Variants in WBP2NL observed in about 807,000 individuals in gnomAD.
WBP2NL encodes the protein postacrosomal sheath WW domain-binding protein.
Under a neutral mutation model 23.3 loss-of-function variants are expected in WBP2NL, and 27 were observed. The observed-to-expected ratio is 1.16, with a 90% CI of 0.85 to 1.60. The LOEUF is 1.60. WBP2NL is among the 40% of genes most tolerant of loss of function. The pLI, the probability that WBP2NL is intolerant of heterozygous loss-of-function variation, is 0.00. For synonymous variants in WBP2NL, 151 were observed against 145.9 expected (o/e 1.03, Z -0.25); for missense variants, 370 against 389.5 (o/e 0.95, Z 0.42).
chr22:42,000,039 G>A (rs1921458510), intron 1 of WBP2NL, among the ~76,000 whole-genome samples: 1 of 152,168 alleles, frequency 6.6e-6, no homozygotes, highest in African/African-American at 2.4e-5. Context: ...CCGCTGTGCA[G>A]TTCTAAATTG....
At chr22:42,047,823 G>T (rs1433665700) in intron 8 of WBP2NL, among the ~76,000 whole-genome samples, 1 of 151,318 alleles carries the variant, frequency 6.6e-6, no homozygotes, top group East Asian at 2.1e-4. Context: ...GGGTTTCACC[G>T]TGTTAGCCAG....
intron 1 of WBP2NL, among the ~76,000 whole-genome samples, chr22:42,004,037 C>T (rs947405732): frequency 2.0e-5 from 3 of 152,038 alleles, no homozygotes; most frequent in Non-Finnish European, 2.9e-5. Flanking sequence ...TTTGGGAGGC[C>T]GAGGCAGGTG....
intron 5 of WBP2NL, among the ~76,000 whole-genome samples, chr22:42,026,202 G>T (rs1924462330): frequency 6.6e-6 from 1 of 151,468 alleles, no homozygotes; most frequent in African/African-American, 2.4e-5. Context: ...AACCCAGGAG[G>T]CAGAGCTTGC....
At chr22:42,018,918 A>G (rs1418517103) in intron 1 of WBP2NL, among the ~76,000 whole-genome samples, 29 of 13,234 alleles carry the variant, frequency 2.2e-3, no homozygotes, top group African/African-American at 3.5e-3. Flanking sequence ...TACTCTGGAA[A>G]AAAAAAAAAA....
At chr22:42,013,966 G>C (rs1162526576) in intron 1 of WBP2NL, among the ~76,000 whole-genome samples, 1 of 151,962 alleles carries the variant, frequency 6.6e-6, no homozygotes, top group African/African-American at 2.4e-5. Context: ...ATTTTTAGTA[G>C]AGATGGGGTC....
downstream of WBP2NL, among the ~76,000 whole-genome samples, chr22:42,036,496 T>G (rs1048854497): frequency 6.6e-6 from 1 of 152,234 alleles, no homozygotes; most frequent in Non-Finnish European, 1.5e-5. Flanking sequence ...TTTAATTTTT[T>G]GGGAACCTTC....
chr22:42,057,822 AG>A (rs1395474910), intron 8 of WBP2NL, among the ~76,000 whole-genome samples: 1 of 91,400 alleles, frequency 1.1e-5, no homozygotes, highest in Admixed American at 1.4e-4. Flanking sequence ...AATTGTATTA[AG>A]GTCATATATA....
At chr22:42,045,982 TCTC>T (rs1196005375) in intron 8 of WBP2NL, among the ~76,000 whole-genome samples, 1 of 152,252 alleles carries the variant, frequency 6.6e-6, no homozygotes, top group African/African-American at 2.4e-5. Context: ...ATGGGTTTTT[TCTC>T]CTCCTCCACC....
In WBP2NL at chr22:42,019,341, C is replaced by T; in HGVS notation, c.93C>T (p.Leu31=). ...TGAAGCGGTCTCCGAATGTGGAGCTCTCCTTCCCACAGCGATCAGAAGGCT... is the reference window on the plus strand; with the variant it reads ...TGAAGCGGTCTCCGAATGTGGAGCTTTCCTTCCCACAGCGATCAGAAGGCT... ...SLLKRSPNVE[L]SFPQRSEGSN... is the part of the protein sequence containing the mutation. The change falls in exon 2 of 6, where the codon CTC becomes CTT. Residue 31 remains leucine (L), a synonymous_variant. Coordinates refer to ENST00000328823, the MANE Select transcript of WBP2NL (RefSeq NM_152613.3). 1 of 1,614,122 alleles carries T rather than the reference C, an allele frequency of 6.2e-7. No individual in the cohort carries two copies. Among genetic ancestry groups the T allele is most frequent in the Non-Finnish European group, 8.5e-7 (1 of 1,180,018 alleles).
At chr22:42,025,746 A>G (rs1293690345) in intron 5 of WBP2NL, among the ~76,000 whole-genome samples, 1 of 152,214 alleles carries the variant, frequency 6.6e-6, no homozygotes, top group Non-Finnish European at 1.5e-5. Flanking sequence ...GGATTAAAGC[A>G]AAATAACTTT....
chr22:42,011,005 T>C (rs1022220630), intron 1 of WBP2NL, among the ~76,000 whole-genome samples: 1 of 152,220 alleles, frequency 6.6e-6, no homozygotes, highest in Non-Finnish European at 1.5e-5. Context: ...TGTATAGTCC[T>C]TTTAATGTGC....
intron 5 of WBP2NL, among the ~76,000 whole-genome samples, chr22:42,024,291 G>A (rs1387644542): frequency 6.6e-6 from 1 of 152,106 alleles, no homozygotes; most frequent in Non-Finnish European, 1.5e-5. Context: ...AATACTAGCT[G>A]CTATGAGCAT....
chr22:42,033,927 GC>G, downstream of WBP2NL, among the ~76,000 whole-genome samples: 1 of 152,298 alleles, frequency 6.6e-6, no homozygotes, highest in East Asian at 1.9e-4. Flanking sequence ...TGGCATCCTG[GC>G]CCCCAGCTTT....
At chr22:42,037,146 G>C (rs1456157652), downstream of WBP2NL, among the ~76,000 whole-genome samples, 2 of 151,832 alleles carry the variant, frequency 1.3e-5, no homozygotes, top group African/African-American at 2.4e-5. Flanking sequence ...GTGTGTGTGT[G>C]TGTGTGTGTG....
At chr22:42,049,820 T>C (rs1925767423) in intron 8 of WBP2NL, among the ~76,000 whole-genome samples, 1 of 133,328 alleles carries the variant, frequency 7.5e-6, no homozygotes, top group Non-Finnish European at 1.6e-5. Flanking sequence ...TGAATACAAA[T>C]ACAAAATTTA....
At chr22:42,018,465 A>G (rs1184088967) in intron 1 of WBP2NL, among the ~76,000 whole-genome samples, 1 of 151,598 alleles carries the variant, frequency 6.6e-6, no homozygotes, top group Non-Finnish European at 1.5e-5. Flanking sequence ...GGGAGGGAGA[A>G]AGAGAAAGAA....
intron 8 of WBP2NL, among the ~76,000 whole-genome samples, chr22:42,055,320 G>A (rs1292351572): frequency 1.3e-5 from 2 of 152,072 alleles, no homozygotes; most frequent in African/African-American, 2.4e-5. Context: ...GATTACAGGC[G>A]CCTGCCACCA....
At chr22:42,014,813 A>G (rs1203229512) in intron 1 of WBP2NL, among the ~76,000 whole-genome samples, 1 of 152,086 alleles carries the variant, frequency 6.6e-6, no homozygotes, top group Non-Finnish European at 1.5e-5. Context: ...GGTTCCTTTT[A>G]ATAATTTCTG....
At chr22:42,045,619 T>C (rs1359432144) in intron 8 of WBP2NL, among the ~76,000 whole-genome samples, 1 of 152,164 alleles carries the variant, frequency 6.6e-6, no homozygotes, top group African/African-American at 2.4e-5. Flanking sequence ...TTCGATAACC[T>C]AGATGAAATG....
Sources: gnomAD v4.1 joint callset for allele counts (sites outside exome capture counted in the v4.1 genomes callset) on GRCh38, gnomAD v4.1.1 for gene constraint, MANE v1.5 for transcripts, NCBI Gene and HGNC (gene_info 2026-07-23, HGNC 2026-07-21) for gene names.